Variants in DCHS1 observed in about 807,000 individuals in gnomAD.
The protein encoded by DCHS1 is protocadherin-16.
DCHS1 carries 78 observed loss-of-function variants against 213.9 expected under a neutral mutation model. That is an observed-to-expected ratio of 0.36 (90% CI 0.30 to 0.44). The LOEUF (loss-of-function observed/expected upper bound fraction) is 0.44, where lower values mean the gene tolerates loss of function less well. Among genes scored for constraint, DCHS1 ranks in the 20% least tolerant of loss-of-function variants. The probability of loss-of-function intolerance (pLI) is 1.00; values close to 1 mark genes in which losing one functional copy is unlikely to be tolerated. For synonymous variants in DCHS1, 1,828 were observed against 1,873.7 expected (o/e 0.98, Z 0.63); for missense variants, 3,946 against 4,395.9 (o/e 0.90, Z 2.89).
rs758411291 is a variant in DCHS1 at position 6,626,774 on chromosome 11, T to C, written c.6250+15A>G. The C allele has an allele frequency of 6.2e-7, 1 of 1,609,402 alleles. No individual in the cohort carries two copies. ...TTTGGGAGTCTGAATCTGGAAGAAA[T>C]GGCTGGGGACCCACCTGGGGGCGCA... On this transcript the variant is annotated intron_variant, in intron 14 of 20. Transcript: ENST00000299441. This position sits in a 1 kb window ranked among gnomAD's most constrained non-coding sequence, Gnocchi z 5.2.
At chr11:6,629,644 A>G in intron 11 of DCHS1, 28 bp downstream of exon 11, 1 of 1,612,322 alleles carries the variant, frequency 6.2e-7, no homozygotes, top group East Asian at 2.2e-5. Context: ...AGTCCATCCC[A>G]CTCATAATTC....
chr11:6,637,962 G>C (rs529158316), intron 2 of DCHS1, among the ~76,000 whole-genome samples: 1 of 152,030 alleles, frequency 6.6e-6, no homozygotes, highest in Non-Finnish European at 1.5e-5. Context: ...TTTTTACCCC[G>C]ATTCTCTATG....
rs1261390951 is a variant in DCHS1, at chr11:6,630,789, G to T, written c.4005C>A (p.Val1335=). Residue 1335 remains valine, a synonymous_variant, in exon 10 of 21, where the codon GTC becomes GTA. Coordinates refer to ENST00000299441, the MANE Select transcript of DCHS1 (RefSeq NM_003737.4). The part of the protein sequence containing the change: ...AERDPAAPVP[V]VLTVTAAEGL... ...CCTCAGCTGCTGTCACCGTCAGCAC[G>T]ACAGGCACTGGTGCCGCTGGGTCCC... The T allele has an allele frequency of 3.2e-6, 5 of 1,546,516 alleles. No homozygotes were observed. Among genetic ancestry groups the T allele is most frequent in the Non-Finnish European group, 3.5e-6 (4 of 1,146,078 alleles).
chr11:6,633,314 T>C (rs1202600721), intron 5 of DCHS1, 98 bp downstream of exon 5: 1 of 1,294,834 alleles, frequency 7.7e-7, no homozygotes, highest in Non-Finnish European at 1.1e-6. Context: ...ACTGGGGCTA[T>C]CTGCCCTGTG....
intron 1 of DCHS1, among the ~76,000 whole-genome samples, chr11:6,651,919 T>C (rs762437590): frequency 6.6e-6 from 1 of 152,168 alleles, no homozygotes; most frequent in Non-Finnish European, 1.5e-5. Context: ...GCAGCAGGTA[T>C]GCAGAAATGT....
chr11:6,648,781 A>G (rs1289966938), intron 1 of DCHS1, among the ~76,000 whole-genome samples: 2 of 152,206 alleles, frequency 1.3e-5, no homozygotes, highest in Non-Finnish European at 2.9e-5. Context: ...AAGGACAATA[A>G]TAATACCTAC....
chr11:6,641,577 C>T lies in DCHS1; in HGVS notation c.37G>A (p.Gly13Ser). ...AGGTGGGGCCTGGGGCTCTTCATGCCAGGGCAGGAAGGCACAATGCCCAGC... is the reference window on the plus strand; with the variant it reads ...AGGTGGGGCCTGGGGCTCTTCATGCTAGGGCAGGAAGGCACAATGCCCAGC... Reference protein sequence around the residue: ...KELGIVPSCPGMKSPRPHLLL... With the variant: ...KELGIVPSCPSMKSPRPHLLL... The change falls in exon 2 of 21, where the codon GGC (glycine) becomes AGC (serine). Residue 13 changes from glycine to serine, a missense_variant. Gly to Ser is a moderately conservative substitution (Grantham distance 56, BLOSUM62 0). Around this residue, in one of 3 missense-constraint regions of DCHS1, gnomAD observed 3,384 missense variants for 3,780.1 expected, o/e 0.90. Transcript: ENST00000299441. This position sits in a 1 kb window ranked among gnomAD's most constrained non-coding sequence, Gnocchi z 7.1. 1 of 1,550,690 alleles carries T rather than the reference C, an allele frequency of 6.4e-7. No homozygotes were observed. Among genetic ancestry groups the T allele is most frequent in the Non-Finnish European group, 8.7e-7 (1 of 1,146,928 alleles).
At chr11:6,648,221 G>A (rs1293061870) in intron 1 of DCHS1, among the ~76,000 whole-genome samples, 1 of 152,224 alleles carries the variant, frequency 6.6e-6, no homozygotes, top group African/African-American at 2.4e-5. Flanking sequence ...TGGCCTTAGA[G>A]ACTCCATCAG....
At chr11:6,654,674 G>C (rs970290603) in intron 1 of DCHS1, among the ~76,000 whole-genome samples, 2 of 152,126 alleles carry the variant, frequency 1.3e-5, no homozygotes, top group African/African-American at 4.8e-5. Context: ...TGATGGCTGT[G>C]AGGGTATCTC....
rs1346605136 is a variant in DCHS1, at chr11:6,640,284, C to A, written c.1330G>T (p.Ala444Ser). The change falls in exon 2 of 21, where the codon GCC becomes TCC. Residue 444 changes from alanine to serine, a missense_variant. Physicochemically the swap from Ala to Ser is moderately conservative, Grantham distance 99. Transcript: ENST00000299441. This position sits in a 1 kb window ranked among gnomAD's most constrained non-coding sequence, Gnocchi z 6.5. The part of the protein sequence containing the change: ...ERDAYNLRVT[A>S]TDSGSPPLRA... ...AGTGGAGGTGAGCCTGAGTCTGTGG[C>A]TGTAACCCTCAAGTTATAGGCATCC... 4 of 1,608,296 alleles carry A rather than the reference C, an allele frequency of 2.5e-6. No homozygotes were observed. The highest frequency in any genetic ancestry group is 3.4e-6 in the Non-Finnish European group (4 of 1,177,488).
In DCHS1 at chr11:6,634,119, C is replaced by A; in HGVS notation, c.1985G>T (p.Gly662Val). 1 of 1,602,298 alleles carries A rather than the reference C, an allele frequency of 6.2e-7. No individual in the cohort carries two copies. Among genetic ancestry groups the A allele is most frequent in the Non-Finnish European group, 8.5e-7 (1 of 1,172,648 alleles). The change falls in exon 3 of 21, where the codon GGG (glycine) becomes GTG (valine). Residue 662 changes from glycine (G) to valine (V), a missense_variant and splice_region_variant. By Grantham distance (109) the Gly-to-Val change is moderately radical. This residue lies in a region of DCHS1 where 3,384 missense variants were observed against 3,780.1 expected (regional missense o/e 0.90). Transcript: ENST00000299441. ...SFDFTVTAVDGGGLKSMVYVK... is the reference protein window; with the variant it reads ...SFDFTVTAVDVGGLKSMVYVK... ...CCTGCCCTTGGTCTACTGACTTACCCCATCCACAGCTGTCACTGTGAAGTC... is the reference window on the plus strand; with the variant it reads ...CCTGCCCTTGGTCTACTGACTTACCACATCCACAGCTGTCACTGTGAAGTC...
At position 6,621,926 on chromosome 11, in the gene DCHS1, C is replaced by T. The variant is rs543833783; in HGVS notation, c.9750G>A (p.Met3250Ile). The stretch of plus-strand genomic sequence containing the variant: ...ACAGAGAGGGTGAGAAGCTGGGGGA[C>T]ATGGCAGCTGAGGACAGGGAGCCTT... Reference protein sequence around the residue: ...SHEGSLSSAAMSPSFSPSLSP... With the variant: ...SHEGSLSSAAISPSFSPSLSP... The change falls in exon 21 of 21, where the codon ATG becomes ATA. Residue 3250 changes from methionine (M) to isoleucine (I), a missense_variant. By Grantham distance (10) the Met-to-Ile change is conservative. Around this residue, in one of 3 missense-constraint regions of DCHS1, gnomAD observed 554 missense variants for 590.2 expected, o/e 0.94. Coordinates refer to ENST00000299441, the MANE Select transcript of DCHS1 (RefSeq NM_003737.4). 2.4e-5 allele frequency: 38 copies of T among 1,613,368 alleles called. No homozygotes were observed. Among genetic ancestry groups the T allele is most frequent in the South Asian group, 2.3e-4 (21 of 91,006 alleles).
Position 6,623,602 on chromosome 11 carries a change from C to G in DCHS1, c.8074G>C (p.Val2692Leu), listed in dbSNP as rs1855742760. 1 of 1,613,716 alleles carries G rather than the reference C, an allele frequency of 6.2e-7. No homozygotes were observed. Among genetic ancestry groups the G allele is most frequent in the African/African-American group, 1.3e-5 (1 of 74,950 alleles). Residue 2692 changes from valine to leucine, a missense_variant, in exon 21 of 21, where the codon GTG becomes CTG. This residue lies in a region of DCHS1 where 3,384 missense variants were observed against 3,780.1 expected (regional missense o/e 0.90). Coordinates refer to ENST00000299441, the MANE Select transcript of DCHS1 (RefSeq NM_003737.4). Reference sequence around the variant, plus strand: ...TTCACATCCTGGACCTCAATTGTCACTGGTGCCAAAGCAAAGTGTGCACCA... The same window carrying G: ...TTCACATCCTGGACCTCAATTGTCAGTGGTGCCAAAGCAAAGTGTGCACCA... ...PAGAHFALAP[V>L]TIEVQDVNDH...
chr11:6,624,509 T>C (rs1855761904), intron 20 of DCHS1, 119 bp from the exon 21 acceptor site: 4 of 1,325,764 alleles, frequency 3.0e-6, no homozygotes, highest in Non-Finnish European at 4.1e-6. Flanking sequence ...ATGGCCTATC[T>C]GCTGGGAGAC....
At chr11:6,629,360 C>G (rs1216728438) in intron 12 of DCHS1, 92 bp downstream of exon 12, 2 of 1,504,024 alleles carry the variant, frequency 1.3e-6, no homozygotes, top group Non-Finnish European at 1.8e-6. Flanking sequence ...TAGGCAAAAA[C>G]TTCTAAAAGG....
intron 3 of DCHS1, 49 bp from the exon 4 acceptor site, chr11:6,634,069 T>C: frequency 2.5e-6 from 4 of 1,603,170 alleles, no homozygotes; most frequent in South Asian, 1.1e-5. Flanking sequence ...CTGGCCCTGG[T>C]GAGTGCCCTA....
Position 6,623,387 on chromosome 11 carries a change from T to G in DCHS1, c.8289A>C (p.Ser2763=), listed in dbSNP as rs1453664744. ...GCACTCGCGCACGCAACTCCCCTGT[T>G]GAGCTGTTCAGTGCAAATGCCTCAC... ...EGREAFALNS[S]TGELRARVPF... The change falls in exon 21 of 21, where the codon TCA becomes TCC. Residue 2763 remains serine, a synonymous_variant. Coordinates refer to ENST00000299441, the MANE Select transcript of DCHS1 (RefSeq NM_003737.4). The G allele has an allele frequency of 2.5e-6, 4 of 1,598,294 alleles. No homozygotes were observed. The highest frequency in any genetic ancestry group is 3.4e-6 in the Non-Finnish European group (4 of 1,172,422).
Position 6,640,450 on chromosome 11 carries a change from G to T in DCHS1, c.1164C>A (p.Ile388=). Residue 388 remains isoleucine, a synonymous_variant, in exon 2 of 21, where the codon ATC becomes ATA. Transcript: ENST00000299441. The surrounding 1 kb of genome is among the most constrained non-coding windows in gnomAD (Gnocchi z 6.5). ...AAPPGQLVAR[I]SVSDPDDGDF... ...CACCATCATCTGGGTCTGACACAGAGATGCGAGCAACGAGCTGTCCAGGTG... is the reference window on the plus strand; with the variant it reads ...CACCATCATCTGGGTCTGACACAGATATGCGAGCAACGAGCTGTCCAGGTG... The T allele has an allele frequency of 6.2e-7, 1 of 1,613,902 alleles. No individual in the cohort carries two copies. Among genetic ancestry groups the T allele is most frequent in the South Asian group, 1.1e-5 (1 of 91,080 alleles).
chr11:6,625,585 A>G lies in DCHS1; in HGVS notation c.6862+12T>C. 1 of 1,613,238 alleles carries G rather than the reference A, an allele frequency of 6.2e-7. No individual in the cohort carries two copies. Among genetic ancestry groups the G allele is most frequent in the East Asian group, 2.2e-5 (1 of 44,868 alleles). On this transcript the variant is annotated intron_variant, in intron 18 of 20. Transcript: ENST00000299441. The surrounding 1 kb of genome is among the most constrained non-coding windows in gnomAD (Gnocchi z 5.3). ...TGCCACCCTTTATGCCACCCACTTT[A>G]CCCAGCCTCACCTTCTGACACTCGG...
Sources: gnomAD v4.1 joint callset for allele counts (sites outside exome capture counted in the v4.1 genomes callset) on GRCh38, gnomAD v4.1.1 for gene constraint, gnomAD v4.1.1 regional missense constraint, Gnocchi (gnomAD v3.1) non-coding constraint, MANE v1.5 for transcripts, NCBI Gene and HGNC (gene_info 2026-07-23, HGNC 2026-07-21) for gene names.